The following CAST variants were observed in gnomAD, a reference collection of about 807,000 sequenced individuals.
CAST encodes the protein MIR583 host.
Under a neutral mutation model 119.6 loss-of-function variants are expected in CAST, and 76 were observed. That is an observed-to-expected ratio of 0.64 (90% CI 0.53 to 0.77). The LOEUF (loss-of-function observed/expected upper bound fraction) is 0.77. Ranked by LOEUF, CAST falls within the 30% of genes least tolerant of loss-of-function variation. The pLI is 0.00. For synonymous variants in CAST, 319 were observed against 331.6 expected (o/e 0.96, Z 0.41); for missense variants, 953 against 946.5 (o/e 1.01, Z -0.09).
the CAST span, among the ~76,000 whole-genome samples, chr5:96,110,765 G>A: frequency 2.0e-5 from 3 of 152,166 alleles, no homozygotes; most frequent in Admixed American, 2.0e-4. Context: ...TCAGTAAGCA[G>A]GTCAAAGAGG....
At chr5:96,739,604 A>G (rs534508960) in intron 11 of CAST, among the ~76,000 whole-genome samples, 1 of 152,224 alleles carries the variant, frequency 6.6e-6, no homozygotes, top group Non-Finnish European at 1.5e-5. Context: ...ATTTCTGATT[A>G]ACAGGGAAAG....
chr5:96,545,258 A>G (rs1745988731), intron 1 of CAST: 1 of 152,234 alleles, frequency 6.6e-6, no homozygotes, highest in African/African-American at 2.4e-5. Context: ...GGTTGGAAGC[A>G]AGAATCTCAT....
the CAST span, among the ~76,000 whole-genome samples, chr5:96,486,556 G>A: frequency 6.6e-6 from 1 of 152,302 alleles, no homozygotes; most frequent in South Asian, 2.1e-4. Context: ...GTTTCATATA[G>A]TTATCTCATG....
chr5:96,558,871 T>A (rs1018601898), intron 1 of CAST, among the ~76,000 whole-genome samples: 10 of 152,018 alleles, frequency 6.6e-5, no homozygotes, highest in Non-Finnish European at 1.0e-4. Context: ...GCCAGCATCA[T>A]CCTGATACCA....
the CAST span, among the ~76,000 whole-genome samples, chr5:96,502,845 A>G: frequency 1.0e-3 from 155 of 152,278 alleles, 2 homozygotes; most frequent in Non-Finnish European, 1.1e-3. Context: ...AAATATCCAC[A>G]TGGCACTCTA....
At chr5:96,010,291 C>T in the CAST span, among the ~76,000 whole-genome samples, 5 of 152,050 alleles carry the variant, frequency 3.3e-5, 1 homozygote, top group Admixed American at 3.3e-4. Flanking sequence ...TTTTTGATTC[C>T]ATATGATTTT....
chr5:96,375,899 C>CTATA, the CAST span, among the ~76,000 whole-genome samples: 1 of 144,680 alleles, frequency 6.9e-6, no homozygotes, highest in African/African-American at 2.6e-5. Flanking sequence ...CTCTCTCTCT[C>CTATA]TATATATATA....
the CAST span, among the ~76,000 whole-genome samples, chr5:96,394,222 G>A: frequency 3.9e-5 from 6 of 152,206 alleles, no homozygotes; most frequent in Admixed American, 3.3e-4. Context: ...TAGATGCTGG[G>A]ATACAGAGAT....
At chr5:96,072,764 C>G in the CAST span, among the ~76,000 whole-genome samples, 1 of 152,132 alleles carries the variant, frequency 6.6e-6, no homozygotes, top group Non-Finnish European at 1.5e-5. Context: ...GTGGCTCTTG[C>G]TGTTTGGAGT....
chr5:96,327,684 G>A, the CAST span, among the ~76,000 whole-genome samples: 7 of 152,272 alleles, frequency 4.6e-5, no homozygotes, highest in South Asian at 2.1e-4. Context: ...GGTTTTCTTC[G>A]CATGTGTCTT....
At chr5:95,971,440 T>A in the CAST span, among the ~76,000 whole-genome samples, 1 of 152,208 alleles carries the variant, frequency 6.6e-6, no homozygotes, top group South Asian at 2.1e-4. Flanking sequence ...CTATAAAATA[T>A]TTAAGTGTTA....
the CAST span, among the ~76,000 whole-genome samples, chr5:96,078,288 C>T: frequency 6.6e-6 from 1 of 152,180 alleles, no homozygotes; most frequent in Admixed American, 6.5e-5. Context: ...TCTTAACACT[C>T]CCCTTCTCCC....
At chr5:96,361,275 G>A in the CAST span, among the ~76,000 whole-genome samples, 1 of 152,148 alleles carries the variant, frequency 6.6e-6, no homozygotes, top group Admixed American at 6.5e-5. Context: ...GCTCTGCGGG[G>A]GTGGGGTCCG....
intron 1 of CAST, among the ~76,000 whole-genome samples, chr5:96,534,824 A>AAG: frequency 6.8e-6 from 1 of 146,210 alleles, no homozygotes; most frequent in African/African-American, 2.5e-5. Context: ...AAGAAAGAAA[A>AAG]GAAAGAAGGA....
the CAST span, among the ~76,000 whole-genome samples, chr5:96,440,579 T>C: frequency 6.7e-6 from 1 of 149,480 alleles, no homozygotes; most frequent in African/African-American, 2.5e-5. Context: ...GTGGGGGAGG[T>C]GGGTAGGATA....
chr5:96,398,345 G>T, the CAST span, among the ~76,000 whole-genome samples: 1 of 152,042 alleles, frequency 6.6e-6, no homozygotes, highest in African/African-American at 2.4e-5. Flanking sequence ...TATGGTTCAC[G>T]AGCTCTTTCC....
the CAST span, chr5:96,397,372 G>T: frequency 6.2e-7 from 1 of 1,612,330 alleles, no homozygotes; most frequent in Non-Finnish European, 8.5e-7. Context: ...TACCTATAGG[G>T]TTCTCTCCCC....
At chr5:96,050,973 A>C in the CAST span, among the ~76,000 whole-genome samples, 1 of 152,214 alleles carries the variant, frequency 6.6e-6, no homozygotes, top group South Asian at 2.1e-4. Flanking sequence ...ACACAGAATA[A>C]ATTTTAAAAT....
At chr5:96,487,663 CT>C in the CAST span, among the ~76,000 whole-genome samples, 1 of 152,240 alleles carries the variant, frequency 6.6e-6, no homozygotes, top group Non-Finnish European at 1.5e-5. Flanking sequence ...CCACTGGCCT[CT>C]CCTTGTGACA....
Sources: gnomAD v4.1 joint callset for allele counts (sites outside exome capture counted in the v4.1 genomes callset) on GRCh38, gnomAD v4.1.1 for gene constraint, MANE v1.5 for transcripts, NCBI Gene and HGNC (gene_info 2026-07-23, HGNC 2026-07-21) for gene names.